Variants in EYS observed in about 807,000 individuals in gnomAD.
EYS encodes EGF-like photoreceptor maintenance factor, also known as protein eyes shut homolog.
A neutral mutation model predicts 282.1 loss-of-function variants in EYS; 250 were observed. The observed-to-expected ratio is 0.89, with a 90% CI of 0.80 to 0.98. The LOEUF (loss-of-function observed/expected upper bound fraction) is 0.98. EYS is among the 50% of genes least tolerant of loss of function. The probability of loss-of-function intolerance (pLI) is 0.00; values close to 1 mark genes in which losing one functional copy is unlikely to be tolerated. For synonymous variants in EYS, 1,355 were observed against 1,282.9 expected (o/e 1.06, Z -1.20); for missense variants, 4,016 against 3,709.0 (o/e 1.08, Z -2.15).
chr6:64,241,950 C>T (rs538003271), intron 30 of EYS, among the ~76,000 whole-genome samples: 29 of 152,076 alleles, frequency 1.9e-4, no homozygotes, highest in South Asian at 6.2e-4. Context: ...AGCAGTTTGT[C>T]GGTTTCTATG....
At chr6:65,579,525 A>G (rs1474785765) in intron 2 of EYS, among the ~76,000 whole-genome samples, 2 of 152,092 alleles carry the variant, frequency 1.3e-5, no homozygotes, top group Admixed American at 6.6e-5. Flanking sequence ...CTGGAAGCTG[A>G]AACTTTGAGA....
At chr6:63,921,966 A>G (rs1180051039) in intron 35 of EYS, among the ~76,000 whole-genome samples, 5 of 152,240 alleles carry the variant, frequency 3.3e-5, no homozygotes, top group Non-Finnish European at 5.9e-5. Flanking sequence ...AGGAGGTCAT[A>G]TAAGTGGGGG....
intron 30 of EYS, among the ~76,000 whole-genome samples, chr6:64,232,485 G>T (rs564287491): frequency 1.4e-4 from 21 of 152,242 alleles, no homozygotes; most frequent in African/African-American, 5.1e-4. Context: ...CACCTCCCGG[G>T]TTCAAGCAGT....
chr6:64,168,815 G>T (rs1764382873), intron 31 of EYS, among the ~76,000 whole-genome samples: 1 of 152,128 alleles, frequency 6.6e-6, no homozygotes, highest in South Asian at 2.1e-4. Context: ...TCTAAAATTA[G>T]ATTGTGGTGA....
intron 11 of EYS, among the ~76,000 whole-genome samples, chr6:65,311,031 C>T (rs182981354): frequency 2.6e-5 from 4 of 151,774 alleles, no homozygotes; most frequent in African/African-American, 4.8e-5. Flanking sequence ...CAAATGAATA[C>T]GTAATTTTTA....
chr6:64,334,796 A>C (rs1020456649), intron 29 of EYS, among the ~76,000 whole-genome samples: 9 of 152,250 alleles, frequency 5.9e-5, no homozygotes, highest in African/African-American at 2.2e-4. Flanking sequence ...GCTGTCATGG[A>C]AATCACTGCC....
In EYS at chr6:65,191,347, T is replaced by C. The variant is rs145423948; in HGVS notation, c.2023+104516A>G. On this transcript the variant is annotated intron_variant, in intron 12 of 42. Coordinates refer to ENST00000503581, the MANE Select transcript of EYS (RefSeq NM_001142800.2). ...GTTAAATATCATTTGACCTAATGAA[T>C]ATTGGTTTTGTTGTGGCAAAAGAAC... is the stretch of plus-strand genomic sequence containing the variant. 3.2e-3 allele frequency among the ~76,000 whole-genome samples: 493 copies of C among 151,954 alleles called. 5 individuals are homozygous for C. The highest frequency in any genetic ancestry group is 0.011 in the African/African-American group (464 of 41,510).
chr6:65,270,877 T>C (rs1323204957), intron 12 of EYS, among the ~76,000 whole-genome samples: 1 of 151,776 alleles, frequency 6.6e-6, no homozygotes, highest in Non-Finnish European at 1.5e-5. Context: ...GTTCTATATA[T>C]GATTTATGTA....
chr6:64,041,652 A>G (rs1770396456), intron 33 of EYS, among the ~76,000 whole-genome samples: 1 of 152,220 alleles, frequency 6.6e-6, no homozygotes. Context: ...GAAGGCAATA[A>G]CAATCTTCAG....
At chr6:64,335,502 C>T (rs910801812) in intron 29 of EYS, among the ~76,000 whole-genome samples, 6 of 152,092 alleles carry the variant, frequency 3.9e-5, no homozygotes, top group Non-Finnish European at 8.8e-5. Flanking sequence ...TTCTGTAACT[C>T]GCTTCCTGTC....
At chr6:64,423,937 T>C (rs916962328) in intron 28 of EYS, among the ~76,000 whole-genome samples, 9 of 152,358 alleles carry the variant, frequency 5.9e-5, no homozygotes, top group African/African-American at 2.2e-4. Context: ...CTTTTGATTA[T>C]TTTAAATGCT....
intron 12 of EYS, among the ~76,000 whole-genome samples, chr6:65,268,691 T>C (rs1190556329): frequency 6.6e-6 from 1 of 152,078 alleles, no homozygotes; most frequent in Non-Finnish European, 1.5e-5. Flanking sequence ...AGGGATTGTA[T>C]CATTCTCATT....
At chr6:64,861,383 C>T (rs150927012) in intron 19 of EYS, among the ~76,000 whole-genome samples, 54 of 152,332 alleles carry the variant, frequency 3.5e-4, no homozygotes, top group African/African-American at 1.3e-3. Flanking sequence ...AGCCAGGCAG[C>T]AGGAGCAGGC....
chr6:64,944,077 C>T (rs1263969903), intron 15 of EYS, among the ~76,000 whole-genome samples: 1 of 151,994 alleles, frequency 6.6e-6, no homozygotes, highest in Non-Finnish European at 1.5e-5. Flanking sequence ...ATACTGACAG[C>T]CATTTAATAT....
At chr6:63,754,770 G>A (rs905543154) in intron 41 of EYS, among the ~76,000 whole-genome samples, 3 of 152,160 alleles carry the variant, frequency 2.0e-5, no homozygotes, top group South Asian at 2.1e-4. Context: ...TGGCCACACT[G>A]TCTTCTACAA....
intron 1 of EYS, among the ~76,000 whole-genome samples, chr6:65,706,500 G>T (rs190550017): frequency 6.9e-6 from 1 of 145,592 alleles, no homozygotes; most frequent in East Asian, 1.9e-4. Flanking sequence ...ACACCTTTAC[G>T]TTTTCTTTTT....
At chr6:64,652,305 A>G (rs1042502003) in intron 22 of EYS, among the ~76,000 whole-genome samples, 1 of 152,176 alleles carries the variant, frequency 6.6e-6, no homozygotes, top group Non-Finnish European at 1.5e-5. Flanking sequence ...CTCATTAAAA[A>G]CAGTATTTTC....
intron 12 of EYS, among the ~76,000 whole-genome samples, chr6:65,103,743 G>A (rs910881440): frequency 6.6e-6 from 1 of 151,306 alleles, no homozygotes; most frequent in Non-Finnish European, 1.5e-5. Context: ...CAGTAAAAAC[G>A]CATTATAAGT....
chr6:65,353,894 A>C (rs1764381109), intron 8 of EYS, among the ~76,000 whole-genome samples: 1 of 152,024 alleles, frequency 6.6e-6, no homozygotes, highest in Admixed American at 6.6e-5. Context: ...GATGGGCTAT[A>C]ATACATCTTT....
Sources: gnomAD v4.1 joint callset for allele counts (sites outside exome capture counted in the v4.1 genomes callset) on GRCh38, gnomAD v4.1.1 for gene constraint, MANE v1.5 for transcripts, NCBI Gene and HGNC (gene_info 2026-07-23, HGNC 2026-07-21) for gene names.